The following EPHA4 variants were observed in gnomAD, a reference collection of about 807,000 sequenced individuals.
The protein encoded by EPHA4 is EPH receptor A4.
A neutral mutation model predicts 108.3 loss-of-function variants in EPHA4; 19 were observed. The ratio of observed to expected loss-of-function variants is 0.18; its 90% confidence interval spans 0.12 to 0.26. EPHA4 has a LOEUF of 0.26. Among genes scored for constraint, EPHA4 ranks in the 10% least tolerant of loss-of-function variants. The pLI is 1.00. For missense variants in EPHA4, 917 were observed against 1,254.0 expected (o/e 0.73, Z 4.06); for synonymous variants, 449 against 455.5 (o/e 0.99, Z 0.18).
At chr2:221,420,733 C>CA (rs201830175) in intron 17 of EPHA4, among the ~76,000 whole-genome samples, 181 bp from the exon 18 acceptor site, 14 of 151,550 alleles carry the variant, frequency 9.2e-5, no homozygotes, top group African/African-American at 2.4e-4. Flanking sequence ...ATTATAAGAG[C>CA]AAAAAAAACC....
At chr2:221,476,505 T>C (rs1046020405) in intron 5 of EPHA4, among the ~76,000 whole-genome samples, 2 of 152,240 alleles carry the variant, frequency 1.3e-5, no homozygotes, top group Non-Finnish European at 2.9e-5. Context: ...GAAGTTTGTA[T>C]GGACCCTTTC....
At chr2:221,545,750 T>C (rs1559288029) in intron 3 of EPHA4, among the ~76,000 whole-genome samples, 1 of 152,110 alleles carries the variant, frequency 6.6e-6, no homozygotes, top group South Asian at 2.1e-4. Flanking sequence ...TATCCATTGG[T>C]GGGCTCCCGG....
chr2:221,548,596 T>A (rs2106196754), intron 3 of EPHA4, among the ~76,000 whole-genome samples: 1 of 152,088 alleles, frequency 6.6e-6, no homozygotes, highest in South Asian at 2.1e-4. Context: ...TTTATAGCAA[T>A]ACAAGAACAG....
chr2:221,491,325 A>G (rs1354213569), intron 4 of EPHA4, among the ~76,000 whole-genome samples: 11 of 152,216 alleles, frequency 7.2e-5, no homozygotes. Flanking sequence ...CTTGCAAAGC[A>G]CTTTTTTGTA....
chr2:221,422,199 T>A (rs929503488), intron 17 of EPHA4: 1 of 152,208 alleles, frequency 6.6e-6, no homozygotes, highest in Non-Finnish European at 1.5e-5. Flanking sequence ...ATCTACCTTC[T>A]AACTATTTCC....
rs529129672 is a variant in EPHA4 at position 221,561,014 on chromosome 2, G to C, written c.823+2717C>G. 2.6e-5 allele frequency among the ~76,000 whole-genome samples: 4 copies of C among 152,214 alleles called. No individual in the cohort carries two copies. In the South Asian group the frequency reaches 8.3e-4, roughly 32 times the overall value. ...TCCCAGCACTTTGGGAGGCCAAGGCGGGTGGATCACGAGGTCAGGAGATGG... is the reference window on the plus strand; with the variant it reads ...TCCCAGCACTTTGGGAGGCCAAGGCCGGTGGATCACGAGGTCAGGAGATGG... On this transcript the variant is annotated intron_variant, in intron 3 of 17. Coordinates refer to ENST00000281821, the MANE Select transcript of EPHA4 (RefSeq NM_004438.5).
At chr2:221,484,598 G>C (rs1169358550) in intron 4 of EPHA4, among the ~76,000 whole-genome samples, 1 of 152,134 alleles carries the variant, frequency 6.6e-6, no homozygotes, top group East Asian at 1.9e-4. Flanking sequence ...ACAGTTTTTA[G>C]CATGGTAACT....
chr2:221,492,724 T>C (rs565608040), intron 4 of EPHA4, among the ~76,000 whole-genome samples: 1 of 152,346 alleles, frequency 6.6e-6, no homozygotes, highest in East Asian at 1.9e-4. Context: ...CAAATGTCTT[T>C]GGTTGCTTTG....
intron 3 of EPHA4, among the ~76,000 whole-genome samples, chr2:221,506,178 G>A (rs2106161582): frequency 6.6e-6 from 1 of 152,178 alleles, no homozygotes; most frequent in Admixed American, 6.5e-5. Flanking sequence ...TCTGCCTTTT[G>A]TGCACTGGAT....
At chr2:221,430,227 G>A (rs1690032826) in intron 14 of EPHA4, 76 bp from the exon 15 acceptor site, 7 of 1,447,566 alleles carry the variant, frequency 4.8e-6, no homozygotes, top group Non-Finnish European at 5.6e-6. Context: ...CGACTGGCAT[G>A]TTTCTTGTGC....
chr2:221,447,426 A>G (rs1451229411), intron 8 of EPHA4, among the ~76,000 whole-genome samples: 1 of 152,164 alleles, frequency 6.6e-6, no homozygotes, highest in Non-Finnish European at 1.5e-5. Context: ...TGATTACGAA[A>G]AAGAGAGAAT....
At chr2:221,502,544 A>G in intron 3 of EPHA4, 1 of 471,348 alleles carries the variant, frequency 2.1e-6, no homozygotes, top group Non-Finnish European at 4.4e-6. Context: ...GAGTACTAGA[A>G]AGAGATCCAT....
chr2:221,463,867 G>C lies in EPHA4; in HGVS notation c.1319-5877C>G, dbSNP rs115143211. ...TCCTGAGCTAGAAAATTGTTTTCTT[G>C]AGTCCAGTATCACAAGCAGTGAATT... On this transcript the variant is annotated intron_variant, in intron 5 of 17. Coordinates refer to ENST00000281821, the MANE Select transcript of EPHA4 (RefSeq NM_004438.5). 3.6e-3 allele frequency among the ~76,000 whole-genome samples: 549 copies of C among 152,358 alleles called. 2 individuals are homozygous for C. The highest frequency in any genetic ancestry group is 6.5e-3 in the Non-Finnish European group (440 of 68,034).
Position 221,566,959 on chromosome 2 carries a change from A to T in EPHA4, c.159+1759T>A, listed in dbSNP as rs1292981949. ...GAAGGAGAAGGAGAAGGAGAAGGGG[A>T]AGAGGAAGAGGAAGAAGAAGAAGAA... On this transcript the variant is annotated intron_variant, in intron 2 of 17. Coordinates refer to ENST00000281821, the MANE Select transcript of EPHA4 (RefSeq NM_004438.5). 1.9e-5 allele frequency among the ~76,000 whole-genome samples: 2 copies of T among 105,622 alleles called. 1 individual carries two copies. Among genetic ancestry groups the T allele is most frequent in the African/African-American group, 7.8e-5 (2 of 25,630 alleles). 69.3% of individuals were successfully genotyped at this position (105,622 alleles called of 152,430 possible).
At chr2:221,523,005 C>G (rs75016143) in intron 3 of EPHA4, among the ~76,000 whole-genome samples, 1 of 151,998 alleles carries the variant, frequency 6.6e-6, no homozygotes, top group Non-Finnish European at 1.5e-5. Flanking sequence ...TCAGGTGATC[C>G]GCCTGCGTCG....
intron 8 of EPHA4, among the ~76,000 whole-genome samples, chr2:221,454,832 T>C (rs1052430986): frequency 6.6e-6 from 1 of 152,206 alleles, no homozygotes; most frequent in Non-Finnish European, 1.5e-5. Context: ...TCAAGTCAGA[T>C]TGTAAGTACT....
chr2:221,532,960 C>G (rs1048368326), intron 3 of EPHA4: 3 of 152,254 alleles, frequency 2.0e-5, no homozygotes, highest in African/African-American at 4.8e-5. Flanking sequence ...ACTTGGCCTT[C>G]TGTAGGGGGA....
intron 3 of EPHA4, among the ~76,000 whole-genome samples, chr2:221,515,474 A>C (rs534679587): frequency 2.6e-4 from 39 of 152,330 alleles, no homozygotes; most frequent in African/African-American, 8.9e-4. Flanking sequence ...AAAACAGTTG[A>C]AAATTACTTA....
chr2:221,489,674 A>G (rs1692082906), intron 4 of EPHA4, among the ~76,000 whole-genome samples: 1 of 152,320 alleles, frequency 6.6e-6, no homozygotes, highest in Admixed American at 6.5e-5. Flanking sequence ...TTCCCATTAG[A>G]ACATAAGCTC....
Sources: gnomAD v4.1 joint callset for allele counts (sites outside exome capture counted in the v4.1 genomes callset) on GRCh38, gnomAD v4.1.1 for gene constraint, MANE v1.5 for transcripts, NCBI Gene and HGNC (gene_info 2026-07-23, HGNC 2026-07-21) for gene names.